Variants in CNTN5 observed in about 807,000 individuals in gnomAD.
CNTN5 encodes the protein contactin 5, also known as contactin-5.
CNTN5 carries 77 observed loss-of-function variants against 129.1 expected under a neutral mutation model. That is an observed-to-expected ratio of 0.60 (90% confidence interval 0.50 to 0.72). The LOEUF (loss-of-function observed/expected upper bound fraction) is 0.72. Ranked by LOEUF, CNTN5 falls within the 30% of genes least tolerant of loss-of-function variation. The pLI is 0.00. For synonymous variants in CNTN5, 509 were observed against 465.6 expected (o/e 1.09, Z -1.20); for missense variants, 1,478 against 1,328.8 (o/e 1.11, Z -1.75).
At chr11:99,376,761 T>C (rs1442845152) in intron 2 of CNTN5, among the ~76,000 whole-genome samples, 2 of 152,176 alleles carry the variant, frequency 1.3e-5, no homozygotes, top group Non-Finnish European at 2.9e-5. Context: ...CCTTATTCGA[T>C]GAATGTTATA....
intron 3 of CNTN5, among the ~76,000 whole-genome samples, chr11:99,637,839 T>A (rs1198768774): frequency 6.6e-6 from 1 of 152,036 alleles, no homozygotes; most frequent in Non-Finnish European, 1.5e-5. Context: ...CATTTTATAT[T>A]CATAGCTCTG....
At chr11:100,063,268 G>A (rs1228034672) in intron 10 of CNTN5, among the ~76,000 whole-genome samples, 2 of 151,718 alleles carry the variant, frequency 1.3e-5, no homozygotes, top group Non-Finnish European at 2.9e-5. Context: ...CTTATTACTG[G>A]TGTACATTCT....
chr11:99,851,520 G>T (rs1166940169), intron 6 of CNTN5, among the ~76,000 whole-genome samples: 1 of 152,142 alleles, frequency 6.6e-6, no homozygotes, highest in Non-Finnish European at 1.5e-5. Context: ...TCCAAAGCTC[G>T]TAGCAGTTTC....
chr11:99,727,227 A>AC (rs1943374200), intron 3 of CNTN5, among the ~76,000 whole-genome samples: 1 of 142,862 alleles, frequency 7.0e-6, no homozygotes, highest in African/African-American at 2.6e-5. Context: ...AATGGCGTGA[A>AC]CCCGGGAAGC....
At chr11:100,059,990 C>G (rs1469772678) in intron 9 of CNTN5, among the ~76,000 whole-genome samples, 2 of 152,040 alleles carry the variant, frequency 1.3e-5, no homozygotes, top group East Asian at 3.9e-4. Flanking sequence ...GGGCAGATCA[C>G]TTGAAGTCAG....
At chr11:99,979,868 T>A (rs1938223568) in intron 8 of CNTN5, among the ~76,000 whole-genome samples, 1 of 152,208 alleles carries the variant, frequency 6.6e-6, no homozygotes, top group African/African-American at 2.4e-5. Context: ...GAAGCCGGAC[T>A]TCCTGAATTC....
chr11:99,096,801 G>T (rs573845498), intron 1 of CNTN5, among the ~76,000 whole-genome samples: 10 of 151,444 alleles, frequency 6.6e-5, no homozygotes, highest in Admixed American at 2.6e-4. Context: ...GATTTTTCTC[G>T]CTGTCATACT....
intron 3 of CNTN5, among the ~76,000 whole-genome samples, chr11:99,690,535 G>C (rs1006498702): frequency 1.3e-5 from 2 of 152,038 alleles, no homozygotes; most frequent in African/African-American, 2.4e-5. Context: ...AATGAGAATA[G>C]CATTTAATCT....
chr11:100,271,646 A>G (rs544694092), intron 18 of CNTN5, among the ~76,000 whole-genome samples: 3 of 152,214 alleles, frequency 2.0e-5, no homozygotes, highest in African/African-American at 4.8e-5. Context: ...GAACTCTTTT[A>G]TGTTACCCTT....
At chr11:100,332,217 A>T (rs1237464361) in intron 21 of CNTN5, among the ~76,000 whole-genome samples, 2 of 152,182 alleles carry the variant, frequency 1.3e-5, no homozygotes. Flanking sequence ...CTTTACATGC[A>T]TAAACTAGAA....
intron 1 of CNTN5, among the ~76,000 whole-genome samples, chr11:99,282,382 C>A: frequency 6.6e-6 from 1 of 152,028 alleles, no homozygotes; most frequent in African/African-American, 2.4e-5. Context: ...CGTAAAAATT[C>A]ACAAGAACAA....
intron 1 of CNTN5, among the ~76,000 whole-genome samples, chr11:99,172,587 C>T (rs1295862544): frequency 6.6e-6 from 1 of 152,046 alleles, no homozygotes; most frequent in Non-Finnish European, 1.5e-5. Context: ...TATTTTCTCA[C>T]CTAAGTTAAT....
chr11:100,261,846 T>C (rs1276933028), intron 17 of CNTN5, among the ~76,000 whole-genome samples: 2 of 152,150 alleles, frequency 1.3e-5, no homozygotes, highest in Non-Finnish European at 2.9e-5. Context: ...ATAAAAACCC[T>C]GGAAGAAAAC....
At chr11:99,519,793 A>G (rs776380989) in intron 2 of CNTN5, among the ~76,000 whole-genome samples, 1 of 152,096 alleles carries the variant, frequency 6.6e-6, no homozygotes, top group Non-Finnish European at 1.5e-5. Flanking sequence ...AAAGAAGAGC[A>G]TTTTGTACTG....
At chr11:99,419,179 T>C (rs1348944376) in intron 2 of CNTN5, among the ~76,000 whole-genome samples, 2 of 152,138 alleles carry the variant, frequency 1.3e-5, no homozygotes, top group Admixed American at 6.6e-5. Context: ...CTTGCCACCA[T>C]CATCACCTAC....
chr11:99,873,537 G>A (rs560638832), intron 6 of CNTN5, among the ~76,000 whole-genome samples: 75 of 152,162 alleles, frequency 4.9e-4, no homozygotes, highest in Admixed American at 9.8e-4. Context: ...CAGTCAGAAT[G>A]GCTTTTATTA....
chr11:99,375,434 A>C (rs1457633173), intron 2 of CNTN5, among the ~76,000 whole-genome samples: 1 of 152,092 alleles, frequency 6.6e-6, no homozygotes, highest in Non-Finnish European at 1.5e-5. Flanking sequence ...GAGTCTAGAT[A>C]ATAACAAGTT....
At chr11:99,273,131 G>A (rs1309016745) in intron 1 of CNTN5, among the ~76,000 whole-genome samples, 1 of 151,694 alleles carries the variant, frequency 6.6e-6, no homozygotes, top group Non-Finnish European at 1.5e-5. Flanking sequence ...AATTAGATAC[G>A]TAAATCCTAG....
chr11:99,422,089 C>A (rs556924927), intron 2 of CNTN5, among the ~76,000 whole-genome samples: 2 of 151,800 alleles, frequency 1.3e-5, no homozygotes, highest in African/African-American at 4.8e-5. Flanking sequence ...CAGTGAGAGG[C>A]GGAAATCTAG....
Sources: gnomAD v4.1 joint callset for allele counts (sites outside exome capture counted in the v4.1 genomes callset) on GRCh38, gnomAD v4.1.1 for gene constraint, MANE v1.5 for transcripts, NCBI Gene and HGNC (gene_info 2026-07-23, HGNC 2026-07-21) for gene names.